The following FRMPD4 variants were observed in gnomAD, a reference collection of about 807,000 sequenced individuals.
The protein encoded by FRMPD4 is FERM and PDZ domain-containing protein 4.
Under a neutral mutation model 94.1 loss-of-function variants are expected in FRMPD4, and 22 were observed. The ratio of observed to expected loss-of-function variants is 0.23; its 90% CI spans 0.17 to 0.33. The LOEUF is 0.33. Among genes scored for constraint, FRMPD4 ranks in the 10% least tolerant of loss-of-function variants. The pLI is 1.00. For missense variants in FRMPD4, 1,111 were observed against 1,339.9 expected (o/e 0.83, Z 2.67); for synonymous variants, 631 against 548.6 (o/e 1.15, Z -2.10).
intron 5 of FRMPD4, among the ~76,000 whole-genome samples, chrX:12,680,696 G>T (rs1317225523): frequency 1.8e-5 from 2 of 111,784 alleles, no homozygotes; most frequent in African/African-American, 6.5e-5. Context: ...AACAACCTTG[G>T]CTATTTAGTT....
Position 12,720,039 on chromosome X carries a change from GGAAAGGAAAGGAAAGAAAGAAA to G in FRMPD4, c.3965-489_3965-468del, listed in dbSNP as rs2042198058. Among the ~76,000 whole-genome samples, 6 of 27,964 alleles carry G rather than the reference GGAAAGGAAAGGAAAGAAAGAAA, an allele frequency of 2.1e-4. No homozygotes were observed. The South Asian group carries it at 6.2e-3, about 29-fold the overall frequency. The allele number at this position is 27,964 out of a possible 115,157, so 24.3% of individuals were successfully genotyped here. A position where few individuals can be genotyped will look rare whatever the true frequency, so the allele number is the denominator to read the frequency against. ...GGAAAGGAAAGGAAAGGAAAGGAAAGGAAAGGAAAGGAAAGAAAGAAAGAAAGAAAGAAAGAAAGAAAGAGAA... is the reference window on the plus strand; with the variant it reads ...GGAAAGGAAAGGAAAGGAAAGGAAAGGAAAGAAAGAAAGAAAGAAAGAGAA... On this transcript the variant is annotated intron_variant, in intron 16 of 16. Transcript: ENST00000675598.
intron 4 of FRMPD4, among the ~76,000 whole-genome samples, chrX:12,638,894 C>G (rs762809054): frequency 7.2e-5 from 8 of 111,234 alleles, no homozygotes; most frequent in Non-Finnish European, 1.5e-4. Flanking sequence ...ATCCTCACCA[C>G]TCTACTTCGG....
chrX:12,160,086 TGTGTGTGTGTGTATGTGCCTGTGTGTGC>T (rs1038821698), intron 1 of FRMPD4, among the ~76,000 whole-genome samples: 16 of 109,722 alleles, frequency 1.5e-4, no homozygotes, highest in Admixed American at 3.9e-4. Context: ...TGTGTGTGTG[TGTGTGTGTGTGTATGTGCCTGTGTGTGC>T]GTGCGTGTAT....
At chrX:12,079,853 T>A (rs912352479) in intron 3 of FRMPD4, among the ~76,000 whole-genome samples, 1 of 112,515 alleles carries the variant, frequency 8.9e-6, no homozygotes, top group Non-Finnish European at 1.9e-5. Flanking sequence ...AGAGACCTAT[T>A]AATAATCTAT....
chrX:12,316,276 A>G (rs1350030040), intron 1 of FRMPD4, among the ~76,000 whole-genome samples: 2 of 110,396 alleles, frequency 1.8e-5, no homozygotes, highest in Non-Finnish European at 3.8e-5. Context: ...CCTCCCGAGT[A>G]GCTGGGATTA....
chrX:12,070,644 G>T (rs1259781718), intron 3 of FRMPD4, among the ~76,000 whole-genome samples: 5 of 111,880 alleles, frequency 4.5e-5, no homozygotes, highest in Admixed American at 2.8e-4. Flanking sequence ...AAAGGCCAGG[G>T]TGCATGAGCC....
At position 12,029,663 on chromosome X, in the gene FRMPD4, C is replaced by T. The variant is rs142072338; in HGVS notation, c.95+151645C>T. Among the ~76,000 whole-genome samples the T allele has an allele frequency of 4.0e-3, 444 of 111,661 alleles. 4 individuals are homozygous for T. Among genetic ancestry groups the T allele is most frequent in the Non-Finnish European group, 2.9e-3 (152 of 53,094 alleles). The stretch of plus-strand genomic sequence containing the variant: ...TTTTTGAAGGGTGTAAAGTCTGTGT[C>T]TCCATTACTTTTTTTCTTTTTGCAT... On this transcript the variant is annotated intron_variant, in intron 3 of 18. Coordinates refer to the FRMPD4 transcript ENST00000640291.
In FRMPD4 at chrX:12,421,352, C is replaced by T. The variant is rs994676331; in HGVS notation, c.42-77328C>T. Reference sequence around the variant, plus strand: ...AATGTAACTACAGAAGTTACCACAACACATATGTTCTAATCAAATAATATT... The same window carrying T: ...AATGTAACTACAGAAGTTACCACAATACATATGTTCTAATCAAATAATATT... On this transcript the variant is annotated intron_variant, in intron 1 of 16. Coordinates refer to ENST00000675598, the MANE Select transcript of FRMPD4 (RefSeq NM_001368397.1). Among the ~76,000 whole-genome samples, 10 of 112,235 alleles carry T rather than the reference C, an allele frequency of 8.9e-5. No individual in the cohort carries two copies. The South Asian group carries it at 1.5e-3, about 17-fold the overall frequency.
intron 3 of FRMPD4, among the ~76,000 whole-genome samples, chrX:12,011,381 C>T (rs748256290): frequency 6.2e-5 from 7 of 112,270 alleles, no homozygotes; most frequent in Middle Eastern, 4.6e-3. Context: ...TGGCCAGCCA[C>T]TAGCCTCATG....
intron 3 of FRMPD4, among the ~76,000 whole-genome samples, chrX:11,882,279 C>A (rs887088072): frequency 9.0e-6 from 1 of 110,501 alleles, no homozygotes; most frequent in Non-Finnish European, 1.9e-5. Context: ...GACATTTCAG[C>A]AAGTCATTCC....
chrX:11,997,575 CTG>C (rs1025563388), intron 3 of FRMPD4, among the ~76,000 whole-genome samples: 3 of 110,904 alleles, frequency 2.7e-5, no homozygotes, highest in African/African-American at 9.8e-5. Flanking sequence ...GTTTTGGAAT[CTG>C]TGCACCAGGC....
intron 1 of FRMPD4, among the ~76,000 whole-genome samples, chrX:12,477,332 A>T (rs2057615211): frequency 8.9e-6 from 1 of 111,938 alleles, no homozygotes; most frequent in East Asian, 2.8e-4. Context: ...GAGGAATAGC[A>T]TTAGGAGATA....
chrX:12,628,946 C>T (rs995416828), intron 4 of FRMPD4, among the ~76,000 whole-genome samples: 1 of 112,165 alleles, frequency 8.9e-6, no homozygotes, highest in Middle Eastern at 4.6e-3. Flanking sequence ...GCAAAAGGTA[C>T]GTCTTACATA....
At chrX:12,554,942 A>G (rs2058579385) in intron 2 of FRMPD4, among the ~76,000 whole-genome samples, 1 of 111,119 alleles carries the variant, frequency 9.0e-6, no homozygotes, top group Non-Finnish European at 1.9e-5. Flanking sequence ...GGAGGCAGTT[A>G]AGAATGTCGG....
chrX:12,232,271 A>G (rs1162432162), intron 1 of FRMPD4, among the ~76,000 whole-genome samples: 1 of 111,841 alleles, frequency 8.9e-6, no homozygotes, highest in African/African-American at 3.3e-5. Flanking sequence ...TAATTTATAT[A>G]GGAAAGAGGT....
At chrX:12,592,011 G>A (rs5979676) in intron 2 of FRMPD4, among the ~76,000 whole-genome samples, 2,078 of 111,421 alleles carry the variant, frequency 0.019, 54 homozygotes, top group African/African-American at 0.063. Flanking sequence ...AAGACAGGTC[G>A]TAGGAACCAG....
At chrX:12,562,238 A>G (rs1337187213) in intron 2 of FRMPD4, among the ~76,000 whole-genome samples, 1 of 112,945 alleles carries the variant, frequency 8.9e-6, no homozygotes, top group Non-Finnish European at 1.9e-5. Flanking sequence ...TTCTTTCTGT[A>G]ACTTAAAAAT....
rs746290277 is a variant in FRMPD4, at chrX:12,282,236, G to T, written c.41+143224G>T. Among the ~76,000 whole-genome samples, 10 of 111,847 alleles carry T rather than the reference G, an allele frequency of 8.9e-5. No individual in the cohort carries two copies. The South Asian group carries it at 3.7e-3, about 42-fold the overall frequency. ...CTCCAGGCTGCCTGCTGAAGGGCCC[G>T]CAGGCAGTCACGGATCTTAGTAAAC... On this transcript the variant is annotated intron_variant, in intron 1 of 16. Transcript: ENST00000675598.
At chrX:12,315,612 A>G (rs935680075) in intron 1 of FRMPD4, among the ~76,000 whole-genome samples, 10 of 112,207 alleles carry the variant, frequency 8.9e-5, no homozygotes, top group Non-Finnish European at 1.9e-4. Context: ...TTTCAAGGAT[A>G]AAGTAGGCAA....
Sources: allele counts gnomAD v4.1 joint callset (sites outside exome capture counted in the v4.1 genomes callset), GRCh38; gene constraint gnomAD v4.1.1; transcripts MANE v1.5; gene names NCBI Gene and HGNC (gene_info 2026-07-23, HGNC 2026-07-21).